The following EYA4 variants were observed in gnomAD, a reference collection of about 807,000 sequenced individuals.
EYA4 encodes the protein protein phosphatase EYA4.
Under a neutral mutation model 87.9 loss-of-function variants are expected in EYA4, and 31 were observed. The ratio of observed to expected loss-of-function variants is 0.35; its 90% CI spans 0.27 to 0.48. The LOEUF (loss-of-function observed/expected upper bound fraction) is 0.48. EYA4 is among the 20% of genes least tolerant of loss of function. The pLI is 0.99. For missense variants in EYA4, 678 were observed against 761.4 expected, an observed-to-expected ratio of 0.89 and a Z score of 1.29; for synonymous variants, 263 against 270.6, an observed-to-expected ratio of 0.97 and a Z score of 0.28.
At chr6:133,398,828 C>A (rs189301878) in intron 3 of EYA4, among the ~76,000 whole-genome samples, 3 of 152,122 alleles carry the variant, frequency 2.0e-5, no homozygotes, top group Non-Finnish European at 2.9e-5. Context: ...AGTGCCAAAT[C>A]GTATTTAGTA....
intron 2 of EYA4, among the ~76,000 whole-genome samples, chr6:133,322,251 G>A (rs1364605823): frequency 1.3e-5 from 2 of 152,174 alleles, no homozygotes; most frequent in Non-Finnish European, 2.9e-5. Context: ...TATTAGTAGT[G>A]ATATAGGATT....
At chr6:133,481,739 G>A in intron 12 of EYA4, 140 bp downstream of exon 12, 3 of 885,628 alleles carry the variant, frequency 3.4e-6, no homozygotes, top group East Asian at 2.6e-5. Flanking sequence ...TTTGTGATAG[G>A]CATTTTACAA....
At chr6:133,333,967 T>C (rs1001923090) in intron 2 of EYA4, among the ~76,000 whole-genome samples, 2 of 152,220 alleles carry the variant, frequency 1.3e-5, no homozygotes, top group African/African-American at 4.8e-5. Flanking sequence ...AGGAAATCTT[T>C]CTTTTAATTG....
chr6:133,439,670 T>C (rs2128606707), intron 3 of EYA4, among the ~76,000 whole-genome samples: 1 of 152,332 alleles, frequency 6.6e-6, no homozygotes, highest in South Asian at 2.1e-4. Flanking sequence ...ATCCAAGCCT[T>C]AGTGCCCAGG....
At chr6:133,483,183 G>T in intron 13 of EYA4, 68 bp downstream of exon 13, 2 of 1,205,476 alleles carry the variant, frequency 1.7e-6, no homozygotes, top group Non-Finnish European at 1.2e-6. Context: ...AAAATCAAGG[G>T]CTATTTAAAA....
chr6:133,253,084 G>C (rs1408242141), intron 1 of EYA4, among the ~76,000 whole-genome samples: 1 of 151,932 alleles, frequency 6.6e-6, no homozygotes, highest in Non-Finnish European at 1.5e-5. Context: ...TACTGTGTTT[G>C]ACCAAAATAT....
chr6:133,311,258 C>G (rs925831896), intron 2 of EYA4, among the ~76,000 whole-genome samples: 2 of 152,162 alleles, frequency 1.3e-5, no homozygotes, highest in Non-Finnish European at 2.9e-5. Context: ...TCCTTCCCCT[C>G]TTTCCTGTGG....
chr6:133,407,151 T>G (rs1413859372), intron 3 of EYA4, among the ~76,000 whole-genome samples: 1 of 152,154 alleles, frequency 6.6e-6, no homozygotes, highest in East Asian at 1.9e-4. Flanking sequence ...CTCCTTACAT[T>G]GGGATATTTG....
chr6:133,451,134 G>A lies in EYA4; in HGVS notation c.277+2955G>A, dbSNP rs527982284. Among the ~76,000 whole-genome samples the A allele has an allele frequency of 1.9e-3, 284 of 152,260 alleles. 1 individual carries two copies. Among genetic ancestry groups the A allele is most frequent in the African/African-American group, 6.6e-3 (275 of 41,562 alleles). Reference sequence around the variant, plus strand: ...TTAGCTCTGCTATTGTTGCACAAAAGCAGCCATATACAATACCTACACAAA... The same window carrying A: ...TTAGCTCTGCTATTGTTGCACAAAAACAGCCATATACAATACCTACACAAA... On this transcript the variant is annotated intron_variant, in intron 5 of 19. Coordinates refer to ENST00000355286, the MANE Select transcript of EYA4 (RefSeq NM_004100.5).
At chr6:133,379,615 C>G (rs985234362) in intron 2 of EYA4, among the ~76,000 whole-genome samples, 1 of 152,124 alleles carries the variant, frequency 6.6e-6, no homozygotes, top group African/African-American at 2.4e-5. Flanking sequence ...TCTGTCAATT[C>G]TATCTCAGAA....
At chr6:133,300,657 G>A (rs1030931930) in intron 2 of EYA4, among the ~76,000 whole-genome samples, 3 of 152,132 alleles carry the variant, frequency 2.0e-5, no homozygotes, top group Non-Finnish European at 4.4e-5. Context: ...TGGGACTACA[G>A]GCGTGTGCTA....
At chr6:133,464,589 G>A (rs1315170904) in intron 9 of EYA4, among the ~76,000 whole-genome samples, 190 bp from the exon 10 acceptor site, 1 of 152,102 alleles carries the variant, frequency 6.6e-6, no homozygotes, top group Admixed American at 6.6e-5. Flanking sequence ...AGATTCAATA[G>A]GAAAGGGTTT....
chr6:133,525,221 G>A lies in EYA4; in HGVS notation c.1806G>A (p.Gly602=). 1 of 1,613,670 alleles carries A rather than the reference G, an allele frequency of 6.2e-7. No homozygotes were observed. Among genetic ancestry groups the A allele is most frequent in the East Asian group, 2.2e-5 (1 of 44,858 alleles). The change falls in exon 19 of 20, where the codon GGG becomes GGA. Residue 602 remains glycine (G), a synonymous_variant. Transcript: ENST00000355286. The stretch of plus-strand genomic sequence containing the variant: ...GAAAAGTAGTGTATGTTGTAATTGG[G>A]GATGGTGTAGAAGAAGAACAGGCAG... The part of the protein sequence containing the change: ...FGRKVVYVVI[G]DGVEEEQAAK...
At position 133,294,062 on chromosome 6, in the gene EYA4, T is replaced by TATATATATATATAAAA. The variant is rs71003632; in HGVS notation, c.33+19250_33+19251insTATATATATATAAAAA. Among the ~76,000 whole-genome samples, 314 of 105,100 alleles carry TATATATATATATAAAA rather than the reference T, an allele frequency of 3.0e-3. 16 individuals carry two copies. The highest frequency in any genetic ancestry group is 5.3e-3 in the Middle Eastern group (1 of 190). The allele number at this position is 105,100 out of a possible 152,430, so 68.9% of individuals were successfully genotyped here. On this transcript the variant is annotated intron_variant, in intron 2 of 19. Coordinates refer to ENST00000355286, the MANE Select transcript of EYA4 (RefSeq NM_004100.5). ...ATATATATATATATATATATATATATAATTCTATTCTATATATAACATTCT... is the reference window on the plus strand; with the variant it reads ...ATATATATATATATATATATATATATATATATATATATAAAAAATTCTATTCTATATATAACATTCT...
At chr6:133,287,434 T>C (rs1334757406) in intron 2 of EYA4, among the ~76,000 whole-genome samples, 3 of 151,930 alleles carry the variant, frequency 2.0e-5, no homozygotes, top group African/African-American at 7.3e-5. Flanking sequence ...AAATATAAGG[T>C]GTTAAGGCCT....
At chr6:133,447,068 C>T (rs868638306) in intron 4 of EYA4, among the ~76,000 whole-genome samples, 15 of 152,118 alleles carry the variant, frequency 9.9e-5, no homozygotes, top group Admixed American at 4.6e-4. Context: ...AAAGGATTTC[C>T]ACCCTGGTAT....
intron 1 of EYA4, among the ~76,000 whole-genome samples, chr6:133,242,131 C>G (rs1224766752): frequency 6.6e-6 from 1 of 152,244 alleles, no homozygotes; most frequent in Non-Finnish European, 1.5e-5. Context: ...GGCAGAGGCG[C>G]GAGCATCGGG....
At chr6:133,337,520 G>T (rs1273920659) in intron 2 of EYA4, among the ~76,000 whole-genome samples, 1 of 152,058 alleles carries the variant, frequency 6.6e-6, no homozygotes, top group East Asian at 1.9e-4. Context: ...TCCAAGATTT[G>T]GTATTAGACA....
chr6:133,365,465 C>G (rs969471821), intron 2 of EYA4, among the ~76,000 whole-genome samples: 1 of 151,954 alleles, frequency 6.6e-6, no homozygotes, highest in Admixed American at 6.6e-5. Context: ...CCAATGCCAT[C>G]GAAAGATTAT....
Sources: gnomAD v4.1 joint callset for allele counts (sites outside exome capture counted in the v4.1 genomes callset) on GRCh38, gnomAD v4.1.1 for gene constraint, MANE v1.5 for transcripts, NCBI Gene and HGNC (gene_info 2026-07-23, HGNC 2026-07-21) for gene names.